Variants in IQGAP3 observed in about 807,000 individuals in gnomAD.
IQGAP3 encodes the protein IQ motif containing GTPase activating protein 3, also known as ras GTPase-activating-like protein IQGAP3.
IQGAP3 carries 165 observed loss-of-function variants against 208.2 expected under a neutral mutation model. The observed-to-expected ratio is 0.79, with a 90% CI of 0.70 to 0.90. The LOEUF is 0.90. Ranked by LOEUF, IQGAP3 falls within the 40% of genes least tolerant of loss-of-function variation. IQGAP3 has a pLI of 0.00. For missense variants in IQGAP3, 1,811 were observed against 2,043.1 expected (o/e 0.89, Z 2.19); for synonymous variants, 703 against 803.6 (o/e 0.87, Z 2.12).
chr1:156,569,480 G>A lies in IQGAP3; in HGVS notation c.38-17C>T. 6.6e-7 allele frequency: 1 copy of A among 1,516,754 alleles called. No homozygotes were observed. The highest frequency in any genetic ancestry group is 9.1e-7 in the Non-Finnish European group (1 of 1,101,148). 94.0% of individuals were successfully genotyped at this position (1,516,754 alleles called of 1,614,324 possible). On this transcript the variant is annotated splice_polypyrimidine_tract_variant and intron_variant, in intron 1 of 37. Transcript: ENST00000361170. ...GGCGTTCATCTGAGGAGTTAAACGG[G>A]ATAAGGTCAATGAAGAGAGCATTAG...
rs1053642405 is a variant in IQGAP3 at position 156,528,103 on chromosome 1, C to A, written c.4674-43G>T. The A allele has an allele frequency of 3.5e-6, 5 of 1,448,310 alleles. No individual in the cohort carries two copies. In the African/African-American group the frequency reaches 7.0e-5, roughly 20 times the overall value. The allele number at this position is 1,448,310 out of a possible 1,614,324, so 89.7% of individuals were successfully genotyped here. On this transcript the variant is annotated intron_variant, in intron 36 of 37. Transcript: ENST00000361170. The stretch of plus-strand genomic sequence containing the variant: ...CAAAACAGGAACCCACTGCCTCTTT[C>A]CAGGGCTACAGCCACATTCTTGCAC...
chr1:156,560,966 G>GCAGC lies in IQGAP3; in HGVS notation c.1093_1096dup (p.Ala366GlyfsTer8). 6.2e-7 allele frequency: 1 copy of GCAGC among 1,613,764 alleles called. No individual in the cohort carries two copies. Among genetic ancestry groups the GCAGC allele is most frequent in the Non-Finnish European group, 8.5e-7 (1 of 1,179,846 alleles). On this transcript the variant is annotated frameshift_variant, in exon 11 of 38. Transcript: ENST00000361170. LOFTEE classifies it high-confidence loss of function. ...TTCCTGATCACCCTTTGTGTTGGCT[G>GCAGC]CAGCCACACCAGCCTGGACTTCCTC...
Position 156,563,204 on chromosome 1 carries a change from G to A in IQGAP3, c.728C>T (p.Pro243Leu). ...PSALLENLRE[P>L]LAAVYQEMLA... Reference sequence around the variant, plus strand: ...CATCTCTTGGTAGACGGCTGCCAGAGGCTCTCGGAGATTCTCCAGAAGAGC... The same window carrying A: ...CATCTCTTGGTAGACGGCTGCCAGAAGCTCTCGGAGATTCTCCAGAAGAGC... Residue 243 changes from proline (P) to leucine (L), a missense_variant, in exon 8 of 38, where the codon CCT (proline) becomes CTT (leucine). Transcript: ENST00000361170. 6.2e-7 allele frequency: 1 copy of A among 1,613,178 alleles called. No individual in the cohort carries two copies. The highest frequency in any genetic ancestry group is 8.5e-7 in the Non-Finnish European group (1 of 1,179,270).
rs745494645 is a variant in IQGAP3, at chr1:156,535,167, T to A, written c.3503A>T (p.Tyr1168Phe). ...KFPDATDSEV[Y>F]KVVGNLLYYR... The stretch of plus-strand genomic sequence containing the variant: ...GGGTGGGGAGACAACACTTGCCTTA[T>A]AGACCTCGCTGTCTGTGGCGTCAGG... The change falls in exon 28 of 38, where the codon TAT becomes TTT. Residue 1168 changes from tyrosine (Y) to phenylalanine (F), a missense_variant. Tyr to Phe is a conservative substitution (Grantham distance 22, BLOSUM62 3). Coordinates refer to ENST00000361170, the MANE Select transcript of IQGAP3 (RefSeq NM_178229.5). The A allele has an allele frequency of 5.6e-6, 9 of 1,612,488 alleles. No individual in the cohort carries two copies. The Admixed American group carries it at 1.5e-4, about 27-fold the overall frequency.
chr1:156,561,058 T>G (rs986968923), intron 10 of IQGAP3, 37 bp from the exon 11 acceptor site: 2 of 1,473,442 alleles, frequency 1.4e-6, no homozygotes, highest in South Asian at 1.1e-5. Flanking sequence ...ATGGAGTCCT[T>G]CCGGGGCCAT....
At position 156,534,616 on chromosome 1, in the gene IQGAP3, G is replaced by C. The variant is rs1674598275; in HGVS notation, c.3625C>G (p.Leu1209Val). The change falls in exon 29 of 38, where the codon CTG (leucine) becomes GTG (valine). Residue 1209 changes from leucine to valine, a missense_variant. By Grantham distance (32) the Leu-to-Val change is conservative (BLOSUM62 1). Transcript: ENST00000361170. The stretch of plus-strand genomic sequence containing the variant: ...TGTAGGAGCTGAGCCACAGCCCCCA[G>C]GGCATGGCGCTGGGGGGCAGCCAGG... Reference protein sequence around the residue: ...GALAAPQRHALGAVAQLLQHA... With the variant: ...GALAAPQRHAVGAVAQLLQHA... 1.9e-6 allele frequency: 3 copies of C among 1,612,338 alleles called. No homozygotes were observed. Among genetic ancestry groups the C allele is most frequent in the African/African-American group, 1.3e-5 (1 of 74,880 alleles).
In IQGAP3 at chr1:156,566,545, A is replaced by T; in HGVS notation, c.127T>A (p.Trp43Arg). Residue 43 changes from tryptophan to arginine, a missense_variant and splice_region_variant, in exon 3 of 38, where the codon TGG (tryptophan) becomes AGG (arginine). Physicochemically the swap from Trp to Arg is moderately radical, Grantham distance 101 (BLOSUM62 -3). Transcript: ENST00000361170. ...YLCRLEEAKR[W>R]MEACLKEELP... ...TCCTCCTTCAGGCAGGCCTCCATCC[A>T]GCTATGAACATGAGAACACCTTCTC... is the stretch of plus-strand genomic sequence containing the variant. The T allele has an allele frequency of 6.2e-7, 1 of 1,613,990 alleles. No homozygotes were observed. Among genetic ancestry groups the T allele is most frequent in the Non-Finnish European group, 8.5e-7 (1 of 1,179,922 alleles).
rs1020441422 is a variant in IQGAP3 at position 156,534,025 on chromosome 1, A to G, written c.3857T>C (p.Leu1286Pro). 1 of 1,613,776 alleles carries G rather than the reference A, an allele frequency of 6.2e-7. No individual in the cohort carries two copies. The change falls in exon 30 of 38, where the codon CTG becomes CCG. Residue 1286 changes from leucine (L) to proline (P), a missense_variant. Transcript: ENST00000361170. ...GCCCCTCACCCTGTGCGTGTTGACC[A>G]GCTCCCCCACGGTGATGTACACCAT... Reference protein sequence around the residue: ...KPMVYITVGELVNTHRLLLEH... With the variant: ...KPMVYITVGEPVNTHRLLLEH...
rs111676542 is a variant in IQGAP3 at position 156,556,771 on chromosome 1, G to A, written c.1130-78C>T. The A allele has an allele frequency of 9.3e-4, 1,249 of 1,340,024 alleles. 11 individuals carry two copies. In the African/African-American group the frequency reaches 0.016, roughly 17 times the overall value. The allele number at this position is 1,340,024 out of a possible 1,614,324, so 83.0% of individuals were successfully genotyped here. A position where few individuals can be genotyped will look rare whatever the true frequency, so the allele number is the denominator to read the frequency against. On this transcript the variant is annotated intron_variant, in intron 11 of 37. Coordinates refer to ENST00000361170, the MANE Select transcript of IQGAP3 (RefSeq NM_178229.5). Reference sequence around the variant, plus strand: ...CCACTCTCCTCACCAACTAGGCTCCGCCGGGGGATCTTGGTGGGGAAATGG... The same window carrying A: ...CCACTCTCCTCACCAACTAGGCTCCACCGGGGGATCTTGGTGGGGAAATGG...
intron 16 of IQGAP3, 87 bp from the exon 17 acceptor site, chr1:156,548,835 T>C (rs947058847): frequency 1.5e-6 from 2 of 1,316,704 alleles, no homozygotes; most frequent in Non-Finnish European, 1.0e-6. Context: ...ACAGATTCCA[T>C]GAAAGAGGAC....
chr1:156,555,248 G>GT (rs1407895094), intron 12 of IQGAP3, among the ~76,000 whole-genome samples: 4 of 151,968 alleles, frequency 2.6e-5, no homozygotes, highest in Non-Finnish European at 4.4e-5. Context: ...TTTCTTCTCT[G>GT]TTTTTTTGAG....
rs1557920557 is a variant in IQGAP3, at chr1:156,534,627, T to G, written c.3614A>C (p.Gln1205Pro). ...AGCCACAGCCCCCAGGGCATGGCGCTGGGGGGCAGCCAGGGCTCCACCAGC... is the reference window on the plus strand; with the variant it reads ...AGCCACAGCCCCCAGGGCATGGCGCGGGGGGGCAGCCAGGGCTCCACCAGC... ...MAAGGALAAP[Q>P]RHALGAVAQL... The change falls in exon 29 of 38, where the codon CAG (glutamine) becomes CCG (proline). Residue 1205 changes from glutamine (Q) to proline (P), a missense_variant. Physicochemically the swap from Gln to Pro is moderately conservative, Grantham distance 76. Coordinates refer to ENST00000361170, the MANE Select transcript of IQGAP3 (RefSeq NM_178229.5). 1 of 1,611,998 alleles carries G rather than the reference T, an allele frequency of 6.2e-7. No individual in the cohort carries two copies. Among genetic ancestry groups the G allele is most frequent in the South Asian group, 1.1e-5 (1 of 90,920 alleles).
At chr1:156,563,991 C>T (rs1160355021) in intron 5 of IQGAP3, among the ~76,000 whole-genome samples, 167 bp from the exon 6 acceptor site, 1 of 152,032 alleles carries the variant, frequency 6.6e-6, no homozygotes, top group Non-Finnish European at 1.5e-5. Context: ...CATAAATCAG[C>T]CCAAGGAAAG....
Position 156,566,505 on chromosome 1 carries a change from A to G in IQGAP3, c.167T>C (p.Val56Ala), listed in dbSNP as rs200461130. The change falls in exon 3 of 38, where the codon GTG (valine) becomes GCG (alanine). Residue 56 changes from valine to alanine, a missense_variant. Val to Ala is a moderately conservative substitution (Grantham distance 64, BLOSUM62 0). Coordinates refer to ENST00000361170, the MANE Select transcript of IQGAP3 (RefSeq NM_178229.5). Reference protein sequence around the residue: ...ACLKEELPSPVELEESLRNGV... With the variant: ...ACLKEELPSPAELEESLRNGV... ...ATTCCGAAGGCTCTCCTCCAGCTCC[A>G]CCGGGGAAGGAAGCTCCTCCTTCAG... 1.7e-5 allele frequency: 27 copies of G among 1,613,972 alleles called. No homozygotes were observed. The highest frequency in any genetic ancestry group is 2.3e-5 in the Non-Finnish European group (27 of 1,180,006).
At chr1:156,532,937 T>C in intron 32 of IQGAP3, 43 bp downstream of exon 32, 1 of 1,612,278 alleles carries the variant, frequency 6.2e-7, no homozygotes, top group South Asian at 1.1e-5. Flanking sequence ...GCCTCAGGGC[T>C]GGGGAGCTCA....
At chr1:156,543,930 G>T in intron 22 of IQGAP3, 51 bp downstream of exon 22, 1 of 1,526,454 alleles carries the variant, frequency 6.6e-7, no homozygotes, top group Non-Finnish European at 9.1e-7. Context: ...GCCTGGCTCT[G>T]TGGGGTCCTC....
rs763620083 is a variant in IQGAP3, at chr1:156,530,096, GGTT to G, written c.4404+6_4404+8del. ...CACAGGCACACGGAGCCCAGGCCCA[GGTT>G]GTTACCTTGGCCAGCTCGTCCACTA... On this transcript the variant is annotated splice_donor_region_variant and intron_variant, in intron 34 of 37. Transcript: ENST00000361170. 6 of 1,586,244 alleles carry G rather than the reference GGTT, an allele frequency of 3.8e-6. No individual in the cohort carries two copies. The highest frequency in any genetic ancestry group is 5.1e-6 in the Non-Finnish European group (6 of 1,165,248).
At chr1:156,555,260 T>TA (rs1675775136) in intron 12 of IQGAP3, among the ~76,000 whole-genome samples, 1 of 152,126 alleles carries the variant, frequency 6.6e-6, no homozygotes, top group East Asian at 1.9e-4. Flanking sequence ...TTTTTTGAGA[T>TA]AGAGTCTCAC....
At chr1:156,528,712 T>A in intron 35 of IQGAP3, 102 bp from the exon 36 acceptor site, 1 of 1,096,984 alleles carries the variant, frequency 9.1e-7, no homozygotes, top group Non-Finnish European at 1.3e-6. Context: ...CGAGGAAGAC[T>A]TCTCACTGAT....
Sources: allele counts gnomAD v4.1 joint callset (sites outside exome capture counted in the v4.1 genomes callset), GRCh38; gene constraint gnomAD v4.1.1; transcripts MANE v1.5; gene names NCBI Gene and HGNC (gene_info 2026-07-23, HGNC 2026-07-21).